SLC12A2: variants seen among roughly 807,000 people sequenced by gnomAD.
SLC12A2 encodes Na-K-2Cl cotransporter 1.
A neutral mutation model predicts 136.3 loss-of-function variants in SLC12A2; 67 were observed. That is an observed-to-expected ratio of 0.49 (90% CI 0.40 to 0.60). The LOEUF (loss-of-function observed/expected upper bound fraction) is 0.60, where lower values mean the gene tolerates loss of function less well. Ranked by LOEUF, SLC12A2 falls within the 20% of genes least tolerant of loss-of-function variation. The pLI is 0.00. For synonymous variants in SLC12A2, 619 were observed against 562.9 expected, an observed-to-expected ratio of 1.10 and a Z score of -1.41; for missense variants, 1,322 against 1,534.7, an observed-to-expected ratio of 0.86 and a Z score of 2.32.
intron 2 of SLC12A2, among the ~76,000 whole-genome samples, chr5:128,113,619 G>A (rs560110064): frequency 3.9e-5 from 6 of 152,104 alleles, no homozygotes; most frequent in Non-Finnish European, 8.8e-5. Flanking sequence ...TAATCCATAA[G>A]GTGAATGTGA....
chr5:128,184,648 A>T (rs539835586), intron 25 of SLC12A2, 141 bp from the exon 26 acceptor site: 53 of 1,411,082 alleles, frequency 3.8e-5, no homozygotes, highest in South Asian at 9.4e-5. Context: ...AAGCATTTTT[A>T]AAAAAAATAA....
intron 24 of SLC12A2, 58 bp downstream of exon 24, chr5:128,182,999 C>A: frequency 9.7e-7 from 1 of 1,034,912 alleles, no homozygotes; most frequent in Non-Finnish European, 1.4e-6. Flanking sequence ...GACACAGATT[C>A]AACTTAATTA....
intron 4 of SLC12A2, among the ~76,000 whole-genome samples, chr5:128,117,591 T>C (rs923130086): frequency 1.3e-5 from 2 of 152,196 alleles, no homozygotes; most frequent in African/African-American, 2.4e-5. Flanking sequence ...GTTCAAAGAC[T>C]TAAATCTAAG....
chr5:128,161,538 T>C lies in SLC12A2; in HGVS notation c.2476-122T>C, dbSNP rs1326217505. 1.2e-5 allele frequency: 6 copies of C among 488,716 alleles called. No homozygotes were observed. The East Asian group carries it at 2.2e-4, about 18-fold the overall frequency. 30.3% of individuals were successfully genotyped at this position (488,716 alleles called of 1,614,324 possible). On this transcript the variant is annotated intron_variant, in intron 16 of 26. Transcript: ENST00000262461. ...ACTACATGGAAATAAAATGCTATTA[T>C]TATACTTCTGACCCTACATTTAGTC...
At chr5:128,101,406 A>G (rs934184298) in intron 1 of SLC12A2, among the ~76,000 whole-genome samples, 2 of 152,202 alleles carry the variant, frequency 1.3e-5, no homozygotes, top group African/African-American at 4.8e-5. Context: ...AAACCATATA[A>G]GAAATTTTGA....
At chr5:128,172,264 C>T (rs192295984) in intron 19 of SLC12A2, among the ~76,000 whole-genome samples, 35 of 152,204 alleles carry the variant, frequency 2.3e-4, no homozygotes, top group Admixed American at 1.5e-3. Context: ...TAGAGAGGTC[C>T]TCTGTACCTT....
At chr5:128,121,072 G>A (rs1761557032) in intron 4 of SLC12A2, among the ~76,000 whole-genome samples, 1 of 152,068 alleles carries the variant, frequency 6.6e-6, no homozygotes, top group Non-Finnish European at 1.5e-5. Flanking sequence ...TGCCATAGGA[G>A]AGATTTAATA....
In SLC12A2 at chr5:128,161,661, G is replaced by A; in HGVS notation, c.2477G>A (p.Gly826Asp). The A allele has an allele frequency of 7.2e-7, 1 of 1,395,052 alleles. No individual in the cohort carries two copies. The highest frequency in any genetic ancestry group is 1.9e-5 in the South Asian group (1 of 52,698). 86.4% of individuals were successfully genotyped at this position (1,395,052 alleles called of 1,614,324 possible). ...TATTATTAATATTTTTATTCAAAGG[G>A]TCCTCGAAGACAAGCCATGAAAGAG... ...GLMICGHVHM[G>D]PRRQAMKEMS... The change falls in exon 17 of 27, where the codon GGT (glycine) becomes GAT (aspartate). Residue 826 changes from glycine to aspartate, a missense_variant and splice_region_variant. By Grantham distance (94) the Gly-to-Asp change is moderately conservative (BLOSUM62 -1). This residue lies in a region of SLC12A2 where 294 missense variants were observed against 436.6 expected (regional missense o/e 0.67). Transcript: ENST00000262461.
At chr5:128,143,205 A>G (rs983738592) in intron 10 of SLC12A2, among the ~76,000 whole-genome samples, 1 of 152,100 alleles carries the variant, frequency 6.6e-6, no homozygotes, top group African/African-American at 2.4e-5. Context: ...ATTTTGCTCA[A>G]TTTAAACCCA....
intron 10 of SLC12A2, among the ~76,000 whole-genome samples, chr5:128,145,594 C>A (rs752888197): frequency 3.6e-4 from 54 of 151,936 alleles, no homozygotes; most frequent in Non-Finnish European, 7.1e-4. Context: ...AGATTTTCTC[C>A]CCACTCTTAG....
At chr5:128,161,822 A>G in intron 17 of SLC12A2, 22 bp downstream of exon 17, 1 of 1,385,402 alleles carries the variant, frequency 7.2e-7, no homozygotes, top group South Asian at 2.0e-5. Flanking sequence ...AATGCTTTTC[A>G]AATGCCTACA....
chr5:128,175,734 A>G (rs978349458), intron 20 of SLC12A2, among the ~76,000 whole-genome samples: 1 of 151,948 alleles, frequency 6.6e-6, no homozygotes, highest in Non-Finnish European at 1.5e-5. Context: ...GTACATTTCT[A>G]CTTACCTTTT....
In SLC12A2 at chr5:128,101,032, C is replaced by T. The variant is rs189188888; in HGVS notation, c.757-11782C>T. Among the ~76,000 whole-genome samples, 14 of 152,252 alleles carry T rather than the reference C, an allele frequency of 9.2e-5. No homozygotes were observed. In the East Asian group the frequency reaches 2.5e-3, roughly 27 times the overall value. ...ACATGGTCACACCATCCACTTTTAT[C>T]TGTGGCACTTGAGTTTTGAGCTTTG... On this transcript the variant is annotated intron_variant, in intron 1 of 26. Transcript: ENST00000262461.
chr5:128,114,553 A>G, intron 3 of SLC12A2, 33 bp from the exon 4 acceptor site: 2 of 1,381,430 alleles, frequency 1.4e-6, no homozygotes, highest in Admixed American at 1.7e-5. Flanking sequence ...ACAAGAGTGT[A>G]AGTATTCTCA....
chr5:128,150,081 C>G lies in SLC12A2; in HGVS notation c.2090C>G (p.Ser697Ter). Residue 697 changes from serine to a stop codon, truncating the protein, a stop_gained, in exon 13 of 27, where the codon TCA becomes TGA. Transcript: ENST00000262461. LOFTEE classifies it high-confidence loss of function. ...ALINFSVFHASLAKSPGWRPA... is the reference protein window; with the variant it reads ...ALINFSVFHA Reference sequence around the variant, plus strand: ...ATCAATTTTTCAGTATTCCATGCATCACTTGCAAAATCTCCAGGTAATTTT... The same window carrying G: ...ATCAATTTTTCAGTATTCCATGCATGACTTGCAAAATCTCCAGGTAATTTT... 1 of 1,597,332 alleles carries G rather than the reference C, an allele frequency of 6.3e-7. No homozygotes were observed. The highest frequency in any genetic ancestry group is 1.3e-5 in the African/African-American group (1 of 74,644).
rs146606467 is a variant in SLC12A2, at chr5:128,142,802, G to A, written c.1773+821G>A. Reference sequence around the variant, plus strand: ...ATTGTTCTAGCTATTTTAGTTCCTTGGTCTTTCCATATAAAAATTTAAAAT... The same window carrying A: ...ATTGTTCTAGCTATTTTAGTTCCTTAGTCTTTCCATATAAAAATTTAAAAT... On this transcript the variant is annotated intron_variant, in intron 10 of 26. Transcript: ENST00000262461. Among the ~76,000 whole-genome samples the A allele has an allele frequency of 8.0e-3, 1,214 of 151,986 alleles. 21 individuals are homozygous for A. Among genetic ancestry groups the A allele is most frequent in the African/African-American group, 0.028 (1,144 of 41,448 alleles).
chr5:128,091,141 G>A (rs1407255173), intron 1 of SLC12A2, among the ~76,000 whole-genome samples: 1 of 152,142 alleles, frequency 6.6e-6, no homozygotes, highest in Non-Finnish European at 1.5e-5. Flanking sequence ...ACAATGAGAG[G>A]TGTTCAGATG....
At chr5:128,151,181 G>C in intron 13 of SLC12A2, 60 bp from the exon 14 acceptor site, 1 of 1,443,656 alleles carries the variant, frequency 6.9e-7, no homozygotes, top group Non-Finnish European at 9.5e-7. Context: ...GAATACATAT[G>C]TACCATTGTG....
In SLC12A2 at chr5:128,132,242, A is replaced by C. The variant is rs75137792; in HGVS notation, c.1188+1036A>C. 1.7e-3 allele frequency among the ~76,000 whole-genome samples: 261 copies of C among 152,170 alleles called. 2 individuals carry two copies. Among genetic ancestry groups the C allele is most frequent in the African/African-American group, 5.9e-3 (244 of 41,530 alleles). ...TCACAAATGGAAATAGAGACCATTTAGAAGGTTGTAGGTGTCCTGGGAGAG... is the reference window on the plus strand; with the variant it reads ...TCACAAATGGAAATAGAGACCATTTCGAAGGTTGTAGGTGTCCTGGGAGAG... On this transcript the variant is annotated intron_variant, in intron 5 of 26. Coordinates refer to ENST00000262461, the MANE Select transcript of SLC12A2 (RefSeq NM_001046.3).
Sources: gnomAD v4.1 joint callset for allele counts (sites outside exome capture counted in the v4.1 genomes callset) on GRCh38, gnomAD v4.1.1 for gene constraint, gnomAD v4.1.1 regional missense constraint, MANE v1.5 for transcripts, NCBI Gene and HGNC (gene_info 2026-07-23, HGNC 2026-07-21) for gene names.